The following NFIC variants were observed in gnomAD, a reference collection of about 807,000 sequenced individuals.
NFIC encodes the protein nuclear factor I C.
Under a neutral mutation model 54.4 loss-of-function variants are expected in NFIC, and 12 were observed. The observed-to-expected ratio is 0.22, with a 90% CI of 0.14 to 0.36. NFIC has a LOEUF of 0.36. Ranked by LOEUF, NFIC falls within the 10% of genes least tolerant of loss-of-function variation. NFIC has a pLI of 1.00. For synonymous variants in NFIC, 322 were observed against 319.2 expected, an observed-to-expected ratio of 1.01 and a Z score of -0.09; for missense variants, 575 against 718.2, an observed-to-expected ratio of 0.80 and a Z score of 2.28.
chr19:3,453,498 C>T lies in NFIC; in HGVS notation c.1270-265C>T, dbSNP rs1028464997. On this transcript the variant is annotated intron_variant, in intron 8 of 10. Coordinates refer to ENST00000443272, the MANE Select transcript of NFIC (RefSeq NM_001245002.2). This position sits in a 1 kb window ranked among gnomAD's most constrained non-coding sequence, Gnocchi z 6.7. The stretch of plus-strand genomic sequence containing the variant: ...TTTGGAAGGAAATCAGTCGAGTTGG[C>T]GTGCAGGGGGTTTACAGAGGAGATG... 2.6e-5 allele frequency among the ~76,000 whole-genome samples: 4 copies of T among 152,156 alleles called. No homozygotes were observed. The highest frequency in any genetic ancestry group is 4.8e-5 in the African/African-American group (2 of 41,446).
At chr19:3,364,010 A>G (rs1007449275), upstream of NFIC, among the ~76,000 whole-genome samples, 3 of 152,234 alleles carry the variant, frequency 2.0e-5, no homozygotes, top group Non-Finnish European at 1.5e-5. Context: ...TGTTGGGATT[A>G]CTAAACCGGT....
chr19:3,420,552 C>CAAAAA (rs138825735), intron 2 of NFIC, among the ~76,000 whole-genome samples: 2 of 38,146 alleles, frequency 5.2e-5, no homozygotes, highest in African/African-American at 1.2e-4. Flanking sequence ...GATTCCATCT[C>CAAAAA]AAAAAAATAA....
intron 9 of NFIC, among the ~76,000 whole-genome samples, chr19:3,456,113 C>A (rs908799740): frequency 3.3e-5 from 5 of 152,260 alleles, no homozygotes; most frequent in Admixed American, 1.3e-4. Flanking sequence ...TGTATGCACA[C>A]ACCCAGCCCT....
At chr19:3,429,255 C>A (rs74178428) in intron 3 of NFIC, among the ~76,000 whole-genome samples, 4,595 of 50,458 alleles carry the variant, frequency 0.091, 915 homozygotes, top group East Asian at 0.46. Context: ...AAAATATATA[C>A]ACACACACAC....
Position 3,462,959 on chromosome 19 carries a change from G to A in NFIC, c.*190G>A. 7.4e-7 allele frequency: 1 copy of A among 1,343,412 alleles called. No homozygotes were observed. Among genetic ancestry groups the A allele is most frequent in the Non-Finnish European group, 9.5e-7 (1 of 1,047,252 alleles). 83.2% of individuals were successfully genotyped at this position (1,343,412 alleles called of 1,614,324 possible). On this transcript the variant is annotated 3_prime_UTR_variant, in exon 11 of 11. Transcript: ENST00000443272. The stretch of plus-strand genomic sequence containing the variant: ...AGGAGGAAAAGAAAAAACAAAGGCA[G>A]AAGAAGAAGAAGAAGAAATAAAAAC...
rs1023888804 is a variant in NFIC at position 3,453,112 on chromosome 19, G to A, written c.1269+446G>A. 6.6e-6 allele frequency among the ~76,000 whole-genome samples: 1 copy of A among 152,284 alleles called. No individual in the cohort carries two copies. The highest frequency in any genetic ancestry group is 1.9e-4 in the East Asian group (1 of 5,178). ...AAATGAGCCACGCATGGTGGCGGGC[G>A]CCTGTAGTCCCAGCTACTCAGGAGG... is the stretch of plus-strand genomic sequence containing the variant. On this transcript the variant is annotated intron_variant, in intron 8 of 10. Transcript: ENST00000443272. The surrounding 1 kb of genome is among the most constrained non-coding windows in gnomAD (Gnocchi z 6.7).
chr19:3,425,437 TTTTG>T (rs1281090295), intron 3 of NFIC, among the ~76,000 whole-genome samples: 2 of 152,084 alleles, frequency 1.3e-5, no homozygotes, highest in African/African-American at 2.4e-5. Context: ...GTTTGAGGGT[TTTTG>T]TTTGTTTTGT....
At chr19:3,413,674 C>G (rs947578004) in intron 2 of NFIC, among the ~76,000 whole-genome samples, 3 of 152,148 alleles carry the variant, frequency 2.0e-5, no homozygotes, top group East Asian at 1.9e-4. Context: ...GAGTCTCGCT[C>G]TGTCTCCCAG....
At chr19:3,435,329 C>T (rs2082183859) in intron 6 of NFIC, 122 bp downstream of exon 6, 2 of 1,345,880 alleles carry the variant, frequency 1.5e-6, no homozygotes, top group East Asian at 5.4e-5. Context: ...AGCCGCGGGG[C>T]CTCCTGGGAA....
chr19:3,396,677 C>T (rs2081469738), intron 2 of NFIC, among the ~76,000 whole-genome samples: 1 of 152,152 alleles, frequency 6.6e-6, no homozygotes, highest in African/African-American at 2.4e-5. Context: ...GGCCCAGGGC[C>T]GAGCACGGCG....
intron 6 of NFIC, among the ~76,000 whole-genome samples, chr19:3,436,123 C>T (rs2082198349): frequency 7.3e-6 from 1 of 137,874 alleles, no homozygotes; most frequent in African/African-American, 2.9e-5. Context: ...CCACCACGCC[C>T]GGCCTCTGTT....
Position 3,463,684 on chromosome 19 carries a change from G to C in NFIC, c.*915G>C, listed in dbSNP as rs1006359043. On this transcript the variant is annotated 3_prime_UTR_variant, in exon 11 of 11. Coordinates refer to ENST00000443272, the MANE Select transcript of NFIC (RefSeq NM_001245002.2). ...ACCTCGCCCGGCTCACACCCCCAAAGGGAGGGACCCACATTGCACACACTG... is the reference window on the plus strand; with the variant it reads ...ACCTCGCCCGGCTCACACCCCCAAACGGAGGGACCCACATTGCACACACTG... 1.4e-5 allele frequency: 13 copies of C among 955,162 alleles called. No individual in the cohort carries two copies. In the East Asian group the frequency reaches 1.7e-3, roughly 123 times the overall value. 59.2% of individuals were successfully genotyped at this position (955,162 alleles called of 1,614,324 possible). A position where few individuals can be genotyped will look rare whatever the true frequency, so the allele number is the denominator to read the frequency against.
At chr19:3,436,318 T>TA (rs1270669392) in intron 6 of NFIC, among the ~76,000 whole-genome samples, 65 of 137,560 alleles carry the variant, frequency 4.7e-4, no homozygotes, top group African/African-American at 1.7e-3. Context: ...AATTTTTTTT[T>TA]TTTTTTTTTT....
chr19:3,380,309 CTTTTTTTTT>C (rs529220524), intron 1 of NFIC, among the ~76,000 whole-genome samples: 1 of 65,146 alleles, frequency 1.5e-5, no homozygotes. Flanking sequence ...CAGCCTTGTT[CTTTTTTTTT>C]TTTTTTTTTT....
intron 1 of NFIC, among the ~76,000 whole-genome samples, chr19:3,360,869 C>T (rs1050785534): frequency 1.3e-5 from 2 of 152,146 alleles, no homozygotes; most frequent in Non-Finnish European, 2.9e-5. Context: ...GAGTGGAGAA[C>T]TGTCGAGTGG....
intron 2 of NFIC, among the ~76,000 whole-genome samples, chr19:3,392,529 C>G (rs2081391906): frequency 6.6e-6 from 1 of 152,220 alleles, no homozygotes; most frequent in Non-Finnish European, 1.5e-5. Flanking sequence ...TGGGGACTCC[C>G]GAGACAGCCC....
chr19:3,377,333 C>CAA (rs71164684), intron 1 of NFIC, among the ~76,000 whole-genome samples: 7,118 of 57,746 alleles, frequency 0.12, 1,365 homozygotes, highest in East Asian at 0.26. Flanking sequence ...GACTCTGTCT[C>CAA]AAAAAAAAAA....
In NFIC at chr19:3,367,235, G is replaced by T. The variant is rs983647955; in HGVS notation, c.30+569G>T. 6.6e-5 allele frequency among the ~76,000 whole-genome samples: 10 copies of T among 152,228 alleles called. 1 individual carries two copies. The highest frequency in any genetic ancestry group is 5.2e-4 in the Admixed American group (8 of 15,288). ...ATTGGCCCACGTGTGCATGGAGGGG[G>T]AGGGGGCAGGAGAAGTTGGAGGCCC... On this transcript the variant is annotated intron_variant, in intron 1 of 10. Transcript: ENST00000443272.
chr19:3,450,261 C>T (rs1378689124), intron 7 of NFIC, among the ~76,000 whole-genome samples: 2 of 151,854 alleles, frequency 1.3e-5, no homozygotes, highest in Admixed American at 6.6e-5. Context: ...AGGAGAATGG[C>T]GTGAACCCGG....
Sources: gnomAD v4.1 joint callset for allele counts (sites outside exome capture counted in the v4.1 genomes callset) on GRCh38, gnomAD v4.1.1 for gene constraint, Gnocchi (gnomAD v3.1) non-coding constraint, MANE v1.5 for transcripts, NCBI Gene and HGNC (gene_info 2026-07-23, HGNC 2026-07-21) for gene names.